SMC4: variants seen among roughly 807,000 people sequenced by gnomAD.
The protein encoded by SMC4 is structural maintenance of chromosomes 4, also known as structural maintenance of chromosomes protein 4.
In SMC4, 87 loss-of-function variants were observed where a neutral mutation model predicts 145.6. The ratio of observed to expected loss-of-function variants is 0.60; its 90% CI spans 0.50 to 0.71. SMC4 has a LOEUF of 0.71. Among genes scored for constraint, SMC4 ranks in the 30% least tolerant of loss-of-function variants. The pLI, the probability that SMC4 is intolerant of heterozygous loss-of-function variation, is 0.00. For missense variants in SMC4, 1,447 were observed against 1,537.1 expected (o/e 0.94, Z 0.98); for synonymous variants, 558 against 500.7 (o/e 1.11, Z -1.53).
chr3:160,414,211 T>C (rs1716350102), intron 8 of SMC4, 156 bp from the exon 9 acceptor site: 2 of 683,780 alleles, frequency 2.9e-6, no homozygotes. Context: ...TCTTCAACTA[T>C]GGGGAGAGGG....
intron 21 of SMC4, 101 bp from the exon 22 acceptor site, chr3:160,432,174 CCTGGGCGT>C: frequency 1.2e-6 from 1 of 865,352 alleles, no homozygotes; most frequent in Non-Finnish European, 1.8e-6. Flanking sequence ...TGCACTCCAG[CCTGGGCGT>C]CAGGGCAAGA....
rs780052275 is a variant in SMC4, at chr3:160,433,850, C to T, written c.*41C>T. On this transcript the variant is annotated 3_prime_UTR_variant, in exon 24 of 24. Coordinates refer to ENST00000357388, the MANE Select transcript of SMC4 (RefSeq NM_001002800.3). ...TTCTTCAAGTTGATTCAGTGTATTA[C>T]TGATTTTTTTCTATTTGTAAAGGAT... 2 of 1,496,990 alleles carry T rather than the reference C, an allele frequency of 1.3e-6. No individual in the cohort carries two copies. The highest frequency in any genetic ancestry group is 1.4e-5 in the African/African-American group (1 of 70,970). 92.7% of individuals were successfully genotyped at this position (1,496,990 alleles called of 1,614,324 possible). A position where few individuals can be genotyped will look rare whatever the true frequency, so the allele number is the denominator to read the frequency against.
intron 17 of SMC4, 104 bp downstream of exon 17, chr3:160,426,304 C>A: frequency 1.2e-6 from 1 of 803,724 alleles, no homozygotes; most frequent in Non-Finnish European, 2.1e-6. Context: ...TAAGTATATG[C>A]AAGTCATTGC....
chr3:160,407,478 A>G (rs1715463504), intron 5 of SMC4, among the ~76,000 whole-genome samples: 1 of 152,114 alleles, frequency 6.6e-6, no homozygotes, highest in African/African-American at 2.4e-5. Context: ...GCTTAAACCC[A>G]GGAGGCAGAG....
At position 160,420,773 on chromosome 3, in the gene SMC4, G is replaced by A. The variant is rs560079722; in HGVS notation, c.1891G>A (p.Val631Met). The stretch of plus-strand genomic sequence containing the variant: ...AGGAGCCATTGATGAAAAATACGAC[G>A]TGGCTATATCATCCTGTTGTCATGC... ...DLGAIDEKYD[V>M]AISSCCHALD... Residue 631 changes from valine (V) to methionine (M), a missense_variant, in exon 13 of 24, where the codon GTG becomes ATG. Coordinates refer to ENST00000357388, the MANE Select transcript of SMC4 (RefSeq NM_001002800.3). 43 of 1,613,460 alleles carry A rather than the reference G, an allele frequency of 2.7e-5. No homozygotes were observed. Among genetic ancestry groups the A allele is most frequent in the South Asian group, 7.7e-5 (7 of 90,924 alleles).
intron 5 of SMC4, among the ~76,000 whole-genome samples, chr3:160,409,197 C>T (rs1715686608): frequency 1.5e-5 from 2 of 130,764 alleles, no homozygotes; most frequent in Non-Finnish European, 3.1e-5. Context: ...ACCCGGGAGG[C>T]GGAGCTTGCA....
intron 17 of SMC4, among the ~76,000 whole-genome samples, chr3:160,426,427 G>C (rs946022325): frequency 2.0e-5 from 3 of 152,074 alleles, no homozygotes; most frequent in Non-Finnish European, 2.9e-5. Context: ...ATAGGAATAG[G>C]TGATTTTTGA....
At chr3:160,425,155 A>G in intron 16 of SMC4, 136 bp downstream of exon 16, 1 of 1,305,748 alleles carries the variant, frequency 7.7e-7, no homozygotes, top group Non-Finnish European at 1.0e-6. Context: ...AGGCAGATAT[A>G]ACTCTTGATG....
chr3:160,404,923 T>G, intron 5 of SMC4: 1 of 345,272 alleles, frequency 2.9e-6, no homozygotes, highest in South Asian at 2.4e-5. Context: ...TTTCCTTTGT[T>G]TTTGTTCTTA....
chr3:160,428,519 A>G (rs367569133), intron 17 of SMC4, among the ~76,000 whole-genome samples: 3 of 152,240 alleles, frequency 2.0e-5, no homozygotes, highest in East Asian at 3.9e-4. Flanking sequence ...ACATGAAGCC[A>G]TTAAGAAATG....
At chr3:160,406,744 C>A (rs989011220) in intron 5 of SMC4, among the ~76,000 whole-genome samples, 1 of 152,012 alleles carries the variant, frequency 6.6e-6, no homozygotes, top group Admixed American at 6.5e-5. Flanking sequence ...TTAATATATT[C>A]GCTTAGCAAA....
chr3:160,416,309 C>G lies in SMC4; in HGVS notation c.1331C>G (p.Thr444Ser). ...KSNNIINETT[T>S]RNNALEKEKE... Reference sequence around the variant, plus strand: ...AACAATATCATTAATGAAACAACAACCAGAAACAATGCCCTCGAGAAGGAA... The same window carrying G: ...AACAATATCATTAATGAAACAACAAGCAGAAACAATGCCCTCGAGAAGGAA... Residue 444 changes from threonine to serine, a missense_variant, in exon 10 of 24, where the codon ACC (threonine) becomes AGC (serine). Physicochemically the swap from Thr to Ser is moderately conservative, Grantham distance 58. Coordinates refer to ENST00000357388, the MANE Select transcript of SMC4 (RefSeq NM_001002800.3). The G allele has an allele frequency of 6.2e-7, 1 of 1,602,756 alleles. No homozygotes were observed. Among genetic ancestry groups the G allele is most frequent in the Non-Finnish European group, 8.5e-7 (1 of 1,174,558 alleles).
intron 4 of SMC4, 53 bp downstream of exon 4, chr3:160,402,920 A>G: frequency 7.9e-7 from 1 of 1,269,858 alleles, no homozygotes; most frequent in African/African-American, 1.6e-5. Flanking sequence ...ATGGACTTAA[A>G]TGCATTACAT....
rs1382573435 is a variant in SMC4 at position 160,433,971 on chromosome 3, C to T, written c.*162C>T. ...TTTGTAAAGTCTAATAAAATATTCTCTATAATTGCTTCTAGATTACAAAAA... is the reference window on the plus strand; with the variant it reads ...TTTGTAAAGTCTAATAAAATATTCTTTATAATTGCTTCTAGATTACAAAAA... On this transcript the variant is annotated 3_prime_UTR_variant, in exon 24 of 24. Transcript: ENST00000357388. 3 of 494,824 alleles carry T rather than the reference C, an allele frequency of 6.1e-6. No homozygotes were observed. Among genetic ancestry groups the T allele is most frequent in the African/African-American group, 4.1e-5 (2 of 48,912 alleles). The allele number at this position is 494,824 out of a possible 1,614,324, so 30.7% of individuals were successfully genotyped here.
At chr3:160,433,258 C>T (rs752146093) in intron 23 of SMC4, 49 bp downstream of exon 23, 2 of 1,246,006 alleles carry the variant, frequency 1.6e-6, no homozygotes, top group Non-Finnish European at 2.3e-6. Flanking sequence ...TAGGGGTATC[C>T]TAAACATTAC....
chr3:160,414,387 A>C lies in SMC4; in HGVS notation c.1142A>C (p.Lys381Thr). 6.2e-7 allele frequency: 1 copy of C among 1,602,594 alleles called. No homozygotes were observed. Among genetic ancestry groups the C allele is most frequent in the Non-Finnish European group, 8.5e-7 (1 of 1,171,328 alleles). Reference sequence around the variant, plus strand: ...GCTAGGAAACTGAATAAAATTACAAAATTTATTGAGGAGAATAAAGAAAAA... The same window carrying C: ...GCTAGGAAACTGAATAAAATTACAACATTTATTGAGGAGAATAAAGAAAAA... The part of the protein sequence containing the change: ...DTEKKLNKIT[K>T]FIEENKEKFT... Residue 381 changes from lysine to threonine, a missense_variant, in exon 9 of 24, where the codon AAA becomes ACA. Transcript: ENST00000357388.
In SMC4 at chr3:160,434,250, C is replaced by T. The variant is rs1718742815; in HGVS notation, c.*441C>T. ...AATCACCACAGTTATTACCCAAATA[C>T]TATGAACATATTTTTGTAAACCAGT... On this transcript the variant is annotated 3_prime_UTR_variant, in exon 24 of 24. Transcript: ENST00000357388. The T allele has an allele frequency of 6.5e-6, 1 of 152,928 alleles. No homozygotes were observed. The highest frequency in any genetic ancestry group is 6.5e-5 in the Admixed American group (1 of 15,278). 9.5% of individuals were successfully genotyped at this position (152,928 alleles called of 1,614,324 possible).
chr3:160,424,297 TGTG>T (rs1022589011), intron 15 of SMC4, among the ~76,000 whole-genome samples: 68 of 152,338 alleles, frequency 4.5e-4, no homozygotes, highest in African/African-American at 1.6e-3. Flanking sequence ...CCCAAAGTGT[TGTG>T]CTTTGATTTT....
At chr3:160,404,585 T>G (rs1308350508) in intron 5 of SMC4, 81 bp downstream of exon 5, 1 of 1,315,810 alleles carries the variant, frequency 7.6e-7, no homozygotes. Flanking sequence ...GAATCCTACA[T>G]TTTTGAGGCC....
Sources: gnomAD v4.1 joint callset for allele counts (sites outside exome capture counted in the v4.1 genomes callset) on GRCh38, gnomAD v4.1.1 for gene constraint, MANE v1.5 for transcripts, NCBI Gene and HGNC (gene_info 2026-07-23, HGNC 2026-07-21) for gene names.